PTPRQ: variants seen among roughly 807,000 people sequenced by gnomAD.
PTPRQ encodes the protein phosphatidylinositol phosphatase PTPRQ.
Under a neutral mutation model 246.0 loss-of-function variants are expected in PTPRQ, and 199 were observed. That is an observed-to-expected ratio of 0.81 (90% CI 0.72 to 0.91). The LOEUF is 0.91. Among genes scored for constraint, PTPRQ ranks in the 40% least tolerant of loss-of-function variants. The probability of loss-of-function intolerance (pLI) is 0.00; values close to 1 mark genes in which losing one functional copy is unlikely to be tolerated. For synonymous variants in PTPRQ, 869 were observed against 853.2 expected (o/e 1.02, Z -0.32); for missense variants, 2,624 against 2,528.4 (o/e 1.04, Z -0.81).
At chr12:80,529,633 T>C (rs2120788529) in intron 17 of PTPRQ, among the ~76,000 whole-genome samples, 1 of 152,230 alleles carries the variant, frequency 6.6e-6, no homozygotes, top group South Asian at 2.1e-4. Flanking sequence ...ATCTAGAATT[T>C]CTTTTATGCA....
At chr12:80,505,206 T>G (rs1338459343) in intron 14 of PTPRQ, among the ~76,000 whole-genome samples, 1 of 151,918 alleles carries the variant, frequency 6.6e-6, no homozygotes. Flanking sequence ...CAAAACTGGC[T>G]TTAGTATCAG....
At chr12:80,454,316 A>ATG (rs1892890001) in intron 3 of PTPRQ, among the ~76,000 whole-genome samples, 1 of 134,844 alleles carries the variant, frequency 7.4e-6, no homozygotes, top group African/African-American at 2.8e-5. Context: ...GACCCCTTGC[A>ATG]CTTCCCGAGT....
At chr12:80,561,928 C>A (rs1370781377) in intron 25 of PTPRQ, among the ~76,000 whole-genome samples, 1 of 151,986 alleles carries the variant, frequency 6.6e-6, no homozygotes, top group Non-Finnish European at 1.5e-5. Context: ...TCCTCTTTAT[C>A]GAGTTGAGGA....
intron 17 of PTPRQ, among the ~76,000 whole-genome samples, chr12:80,531,348 TATA>T (rs1190734565): frequency 6.6e-6 from 1 of 152,114 alleles, no homozygotes; most frequent in African/African-American, 2.4e-5. Flanking sequence ...ACATAATAAT[TATA>T]ATATTTTTAA....
chr12:80,631,985 A>T (rs916599305), intron 33 of PTPRQ, among the ~76,000 whole-genome samples: 1 of 152,186 alleles, frequency 6.6e-6, no homozygotes, highest in African/African-American at 2.4e-5. Context: ...ACTGGGAGTG[A>T]GTTTAGATAG....
intron 7 of PTPRQ, among the ~76,000 whole-genome samples, chr12:80,470,716 G>C (rs1004255930): frequency 1.3e-5 from 2 of 152,066 alleles, no homozygotes; most frequent in Admixed American, 1.3e-4. Context: ...GAAATCAAGT[G>C]GTGAGGGGCC....
chr12:80,496,114 T>C lies in PTPRQ; in HGVS notation c.1990+8T>C. The C allele has an allele frequency of 6.5e-7, 1 of 1,545,938 alleles. No individual in the cohort carries two copies. On this transcript the variant is annotated splice_region_variant and intron_variant, in intron 13 of 44. Transcript: ENST00000644991. ...TGAGAACTTCAGAAGATGGTAAGAA[T>C]ATCAATTGCAGCTTTAATTTTTTTA...
Position 80,495,045 on chromosome 12 carries a change from C to A in PTPRQ, c.1653C>A (p.Ile551=). 6.4e-7 allele frequency: 1 copy of A among 1,550,508 alleles called. No homozygotes were observed. Among genetic ancestry groups the A allele is most frequent in the Non-Finnish European group, 8.7e-7 (1 of 1,146,234 alleles). Residue 551 remains isoleucine, a synonymous_variant, in exon 11 of 45, where the codon ATC becomes ATA. Coordinates refer to ENST00000644991, the MANE Select transcript of PTPRQ (RefSeq NM_001145026.2). ...EHMISVSAFT[I]MGEGPPTVLS... is the part of the protein sequence containing the mutation. ...TGATTAGTGTATCTGCTTTCACCATCATGGGAGAAGGACCACCAACAGTTC... is the reference window on the plus strand; with the variant it reads ...TGATTAGTGTATCTGCTTTCACCATAATGGGAGAAGGACCACCAACAGTTC...
chr12:80,450,600 T>A (rs1208918376), intron 3 of PTPRQ, among the ~76,000 whole-genome samples: 1 of 151,994 alleles, frequency 6.6e-6, no homozygotes, highest in African/African-American at 2.4e-5. Context: ...ATTGTTGAAT[T>A]TTGTCAAAGG....
At chr12:80,603,964 T>A (rs1898226042) in intron 26 of PTPRQ, among the ~76,000 whole-genome samples, 1 of 151,698 alleles carries the variant, frequency 6.6e-6, no homozygotes, top group South Asian at 2.1e-4. Context: ...TACTTTGTTT[T>A]CATAATTTCT....
intron 14 of PTPRQ, among the ~76,000 whole-genome samples, chr12:80,500,369 A>G (rs778688290): frequency 1.1e-4 from 16 of 152,172 alleles, no homozygotes; most frequent in Non-Finnish European, 1.8e-4. Context: ...TAAGTCATTG[A>G]GTCTGTCTTG....
chr12:80,448,823 C>T (rs1385039200), intron 3 of PTPRQ, among the ~76,000 whole-genome samples: 12 of 148,198 alleles, frequency 8.1e-5, no homozygotes, highest in African/African-American at 1.3e-4. Context: ...TGAATAGTGC[C>T]GCAATAAACA....
intron 3 of PTPRQ, 52 bp downstream of exon 3, chr12:80,445,769 A>G (rs532097338): frequency 2.3e-4 from 293 of 1,272,372 alleles, no homozygotes; most frequent in Admixed American, 3.2e-4. Context: ...ATTCATTTTA[A>G]AAGTGTGGGA....
In PTPRQ at chr12:80,515,452, G is replaced by A. The variant is rs1430436359; in HGVS notation, c.2678+5009G>A. ...TTTTTTTTTTTTGAGAGGGGGTCTCGCTCTGTTGCCCAGGCTGGAGAGCAA... is the reference window on the plus strand; with the variant it reads ...TTTTTTTTTTTTGAGAGGGGGTCTCACTCTGTTGCCCAGGCTGGAGAGCAA... On this transcript the variant is annotated intron_variant, in intron 17 of 44. Transcript: ENST00000644991. Among the ~76,000 whole-genome samples, 13 of 148,166 alleles carry A rather than the reference G, an allele frequency of 8.8e-5. No homozygotes were observed. The East Asian group carries it at 1.6e-3, about 18-fold the overall frequency.
At chr12:80,535,439 A>G (rs991640869) in intron 19 of PTPRQ, among the ~76,000 whole-genome samples, 6 of 152,148 alleles carry the variant, frequency 3.9e-5, no homozygotes, top group African/African-American at 1.2e-4. Flanking sequence ...TGATATAAAT[A>G]GTTCTAGTGT....
At chr12:80,638,584 T>C (rs942447963) in intron 35 of PTPRQ, among the ~76,000 whole-genome samples, 1 of 152,212 alleles carries the variant, frequency 6.6e-6, no homozygotes, top group African/African-American at 2.4e-5. Flanking sequence ...TTATACTCTC[T>C]GCCTGTATAT....
At chr12:80,449,957 T>G (rs1318859871) in intron 3 of PTPRQ, among the ~76,000 whole-genome samples, 1 of 152,200 alleles carries the variant, frequency 6.6e-6, no homozygotes. Context: ...ATCTATAAAT[T>G]ACCTTGGGCA....
intron 25 of PTPRQ, among the ~76,000 whole-genome samples, chr12:80,586,265 C>T (rs889276331): frequency 1.3e-5 from 2 of 151,648 alleles, no homozygotes; most frequent in African/African-American, 4.9e-5. Flanking sequence ...CAAAAGAAGA[C>T]ATTTATGCAG....
intron 25 of PTPRQ, among the ~76,000 whole-genome samples, chr12:80,552,780 G>A (rs1028232814): frequency 1.3e-5 from 2 of 148,576 alleles, no homozygotes; most frequent in East Asian, 4.0e-4. Context: ...GAATTAAGCA[G>A]TTATTAAACA....
Sources: gnomAD v4.1 joint callset for allele counts (sites outside exome capture counted in the v4.1 genomes callset) on GRCh38, gnomAD v4.1.1 for gene constraint, MANE v1.5 for transcripts, NCBI Gene and HGNC (gene_info 2026-07-23, HGNC 2026-07-21) for gene names.